PARPBP: variants seen among roughly 807,000 people sequenced by gnomAD.
The protein encoded by PARPBP is PCNA-interacting partner.
PARPBP carries 52 observed loss-of-function variants against 50.0 expected under a neutral mutation model. That is an observed-to-expected ratio of 1.04 (90% CI 0.83 to 1.31). The LOEUF (loss-of-function observed/expected upper bound fraction) is 1.31, where lower values mean the gene tolerates loss of function less well. PARPBP is among the 50% of genes most tolerant of loss of function. PARPBP has a pLI of 0.00. For missense variants in PARPBP, 697 were observed against 672.0 expected, an observed-to-expected ratio of 1.04 and a Z score of -0.41; for synonymous variants, 244 against 232.1, an observed-to-expected ratio of 1.05 and a Z score of -0.47.
intron 1 of PARPBP, among the ~76,000 whole-genome samples, chr12:102,122,205 T>G (rs1044509245): frequency 6.6e-6 from 1 of 152,230 alleles, no homozygotes; most frequent in African/African-American, 2.4e-5. Context: ...TCACTGAAGC[T>G]GACAGTTCTT....
At chr12:102,159,904 C>T (rs575375597) in intron 4 of PARPBP, among the ~76,000 whole-genome samples, 14 of 152,346 alleles carry the variant, frequency 9.2e-5, no homozygotes, top group African/African-American at 3.4e-4. Flanking sequence ...TTGGAATTAT[C>T]AGAAAGCTTA....
intron 3 of PARPBP, chr12:102,151,901 C>T (rs150925089): frequency 2.2e-4 from 177 of 823,014 alleles, no homozygotes; most frequent in Non-Finnish European, 2.2e-4. Context: ...ACCCAAGGAG[C>T]TTCAGTTTAA....
Position 102,151,960 on chromosome 12 carries a change from C to CT in PARPBP, c.388-1902dup, listed in dbSNP as rs1302584607. On this transcript the variant is annotated intron_variant, in intron 3 of 10. Coordinates refer to ENST00000327680, the MANE Select transcript of PARPBP (RefSeq NM_017915.5). ...GAAGTCCAGGCATCTCAGAGAAATG[C>CT]TTTTTTTGTGTACCATGGTTACCAA... The CT allele has an allele frequency of 1.0e-5, 6 of 602,914 alleles. No homozygotes were observed. The East Asian group carries it at 1.4e-4, about 14-fold the overall frequency. 37.3% of individuals were successfully genotyped at this position (602,914 alleles called of 1,614,324 possible).
At position 102,182,534 on chromosome 12, in the gene PARPBP, T is replaced by TC; in HGVS notation, c.1185-15_1185-14insC. The TC allele has an allele frequency of 6.3e-7, 1 of 1,589,534 alleles. No homozygotes were observed. Among genetic ancestry groups the TC allele is most frequent in the Non-Finnish European group, 8.6e-7 (1 of 1,167,728 alleles). ...CCATAGCAATAAATTTTTGCCTTTT[T>TC]TTTTTTTGACATAGGTCTCCCACAC... On this transcript the variant is annotated splice_polypyrimidine_tract_variant and intron_variant, in intron 8 of 10. Coordinates refer to ENST00000327680, the MANE Select transcript of PARPBP (RefSeq NM_017915.5).
At position 102,175,666 on chromosome 12, in the gene PARPBP, G is replaced by A; in HGVS notation, c.1005G>A (p.Arg335=). The part of the protein sequence containing the change: ...ALSTTDISPA[R]PKSHAINHGT... ...GCACCACTGACATCAGTCCTGCTCG[G>A]GTAATGAGCTTTTTATTTTTCATTA... The change falls in exon 7 of 11, where the codon CGG becomes CGA. Residue 335 remains arginine, a splice_region_variant and synonymous_variant. Coordinates refer to ENST00000327680, the MANE Select transcript of PARPBP (RefSeq NM_017915.5). 6.4e-7 allele frequency: 1 copy of A among 1,556,018 alleles called. No individual in the cohort carries two copies. The highest frequency in any genetic ancestry group is 8.7e-7 in the Non-Finnish European group (1 of 1,148,110).
intron 6 of PARPBP, among the ~76,000 whole-genome samples, chr12:102,167,911 A>G (rs551397225): frequency 7.9e-5 from 12 of 152,076 alleles, no homozygotes; most frequent in Non-Finnish European, 1.8e-4. Flanking sequence ...ACTGTCAACT[A>G]GCTTTTCTGT....
At chr12:102,174,566 G>C (rs74802847) in intron 6 of PARPBP, among the ~76,000 whole-genome samples, 1 of 152,248 alleles carries the variant, frequency 6.6e-6, no homozygotes, top group African/African-American at 2.4e-5. Context: ...TATGTGCTCA[G>C]GCAGCCTGAC....
At position 102,197,505 on chromosome 12, in the gene PARPBP, G is replaced by C; in HGVS notation, c.*1214G>C. On this transcript the variant is annotated 3_prime_UTR_variant, in exon 11 of 11. Transcript: ENST00000327680. ...AAATTTTCATTGAAATAAACGACAA[G>C]TCACATTGCCACTTACCTTTGAAAC... The C allele has an allele frequency of 6.3e-7, 1 of 1,582,202 alleles. No homozygotes were observed. Among genetic ancestry groups the C allele is most frequent in the Non-Finnish European group, 8.6e-7 (1 of 1,167,162 alleles).
intron 9 of PARPBP, among the ~76,000 whole-genome samples, chr12:102,192,949 C>T (rs1391266943): frequency 6.6e-6 from 1 of 151,480 alleles, no homozygotes; most frequent in East Asian, 1.9e-4. Flanking sequence ...GGGGGGAGTT[C>T]TGTTGTGTTT....
At chr12:102,165,961 T>C (rs1888100631) in intron 6 of PARPBP, 78 bp downstream of exon 6, 1 of 928,026 alleles carries the variant, frequency 1.1e-6, no homozygotes, top group South Asian at 1.6e-5. Context: ...AAATAAGGGA[T>C]ATTGAAATGA....
chr12:102,131,033 T>C (rs971249811), intron 2 of PARPBP, among the ~76,000 whole-genome samples: 1 of 151,976 alleles, frequency 6.6e-6, no homozygotes, highest in African/African-American at 2.4e-5. Context: ...ATGGCTATAA[T>C]TAAAAAATCA....
intron 8 of PARPBP, among the ~76,000 whole-genome samples, chr12:102,181,362 A>G (rs1459023780): frequency 1.3e-5 from 2 of 152,244 alleles, no homozygotes; most frequent in Non-Finnish European, 2.9e-5. Context: ...ATGATGGGAT[A>G]CATTCTGATA....
chr12:102,184,806 GA>G (rs1216062898), intron 9 of PARPBP, among the ~76,000 whole-genome samples: 8 of 152,064 alleles, frequency 5.3e-5, no homozygotes, highest in Non-Finnish European at 1.2e-4. Context: ...GTATTTGTTG[GA>G]ATAACAAAAA....
intron 1 of PARPBP, 193 bp downstream of exon 1, chr12:102,120,479 A>G (rs1342621198): frequency 2.2e-6 from 1 of 456,466 alleles, no homozygotes; most frequent in Non-Finnish European, 4.4e-6. Context: ...CACAGTATCT[A>G]GCGATGGAGC....
chr12:102,152,101 C>G, intron 3 of PARPBP: 1 of 314,226 alleles, frequency 3.2e-6, no homozygotes, highest in Non-Finnish European at 6.0e-6. Context: ...ATCCCTTGCT[C>G]TGCTGCTTCC....
intron 1 of PARPBP, among the ~76,000 whole-genome samples, chr12:102,121,543 CTCT>C (rs1881085637): frequency 8.1e-6 from 1 of 124,052 alleles, no homozygotes; most frequent in Non-Finnish European, 1.7e-5. Context: ...CATAGTAATG[CTCT>C]TTTTTTTTTT....
At chr12:102,145,663 C>T (rs1222502423) in intron 2 of PARPBP, among the ~76,000 whole-genome samples, 1 of 152,080 alleles carries the variant, frequency 6.6e-6, no homozygotes, top group Non-Finnish European at 1.5e-5. Flanking sequence ...AACTATATGT[C>T]ACTGTAGCCA....
At chr12:102,147,260 T>C (rs1885498193) in intron 2 of PARPBP, among the ~76,000 whole-genome samples, 2 of 152,176 alleles carry the variant, frequency 1.3e-5, no homozygotes, top group South Asian at 4.1e-4. Context: ...TAAAGACACA[T>C]GCACACATAT....
chr12:102,128,296 A>G (rs1400730130), intron 2 of PARPBP, among the ~76,000 whole-genome samples: 2 of 151,868 alleles, frequency 1.3e-5, no homozygotes, highest in East Asian at 1.9e-4. Flanking sequence ...CAGTGGTGCA[A>G]TCTCAGCTCA....
Sources: gnomAD v4.1 joint callset for allele counts (sites outside exome capture counted in the v4.1 genomes callset) on GRCh38, gnomAD v4.1.1 for gene constraint, MANE v1.5 for transcripts, NCBI Gene and HGNC (gene_info 2026-07-23, HGNC 2026-07-21) for gene names.